The following DNER variants were observed in gnomAD, a reference collection of about 807,000 sequenced individuals.
DNER encodes delta/notch like EGF repeat containing.
In DNER, 33 loss-of-function variants were observed where a neutral mutation model predicts 78.2. That is an observed-to-expected ratio of 0.42 (90% CI 0.32 to 0.56). The LOEUF is 0.56. Ranked by LOEUF, DNER falls within the 20% of genes least tolerant of loss-of-function variation. DNER has a pLI of 0.11. For synonymous variants in DNER, 417 were observed against 384.8 expected (o/e 1.08, Z -0.98); for missense variants, 918 against 975.3 (o/e 0.94, Z 0.78).
At chr2:229,451,285 C>T (rs774942073) in intron 7 of DNER, among the ~76,000 whole-genome samples, 1 of 152,148 alleles carries the variant, frequency 6.6e-6, no homozygotes, top group East Asian at 1.9e-4. Context: ...GGTGAAATCC[C>T]GTCTCTACTA....
At chr2:229,520,976 T>C (rs1245389125) in intron 5 of DNER, among the ~76,000 whole-genome samples, 2 of 152,242 alleles carry the variant, frequency 1.3e-5, no homozygotes, top group African/African-American at 4.8e-5. Flanking sequence ...AGGGAGGGTC[T>C]GGCTGCCTCT....
At chr2:229,410,155 C>T (rs1030304753) in intron 9 of DNER, among the ~76,000 whole-genome samples, 6 of 152,176 alleles carry the variant, frequency 3.9e-5, no homozygotes, top group African/African-American at 1.2e-4. Flanking sequence ...TCTCTCAATT[C>T]CCAATCCAAA....
chr2:229,530,625 C>G (rs1401864509), intron 5 of DNER, among the ~76,000 whole-genome samples: 6 of 152,246 alleles, frequency 3.9e-5, no homozygotes, highest in Non-Finnish European at 7.3e-5. Flanking sequence ...TACTAAGCAG[C>G]TGCCGAATTC....
intron 10 of DNER, among the ~76,000 whole-genome samples, chr2:229,402,758 T>A (rs1263768312): frequency 6.6e-6 from 1 of 152,232 alleles, no homozygotes; most frequent in Non-Finnish European, 1.5e-5. Flanking sequence ...CATCAGGGTA[T>A]CTTTCCTTCC....
intron 1 of DNER, among the ~76,000 whole-genome samples, chr2:229,592,363 C>G (rs1049023670): frequency 6.6e-6 from 1 of 152,174 alleles, no homozygotes; most frequent in Admixed American, 6.5e-5. Context: ...TTACCTGTAT[C>G]TCTCAATTTC....
intron 12 of DNER, among the ~76,000 whole-genome samples, chr2:229,360,097 A>G (rs954874073): frequency 6.6e-6 from 1 of 152,234 alleles, no homozygotes; most frequent in African/African-American, 2.4e-5. Flanking sequence ...AAGGATAGGA[A>G]AAGTGTCAAC....
chr2:229,657,500 G>T (rs1310293476), intron 1 of DNER, among the ~76,000 whole-genome samples: 1 of 152,158 alleles, frequency 6.6e-6, no homozygotes, highest in Non-Finnish European at 1.5e-5. Context: ...TTTTAGGACC[G>T]TGATTTTTCA....
chr2:229,440,305 A>G (rs1694204619), intron 8 of DNER, among the ~76,000 whole-genome samples: 1 of 152,220 alleles, frequency 6.6e-6, no homozygotes, highest in African/African-American at 2.4e-5. Context: ...GTTTGGAAGC[A>G]TGCTTAGGAA....
rs114219417 is a variant in DNER at position 229,695,500 on chromosome 2, A to G, written c.276+18648T>C. On this transcript the variant is annotated intron_variant, in intron 1 of 12. Transcript: ENST00000341772. ...TGGGCATTAATGCTCTGGTGGAGAC[A>G]GCCCTGGGTGGAGAGTCAGCAAAGT... is the stretch of plus-strand genomic sequence containing the variant. 7.8e-3 allele frequency among the ~76,000 whole-genome samples: 1,193 copies of G among 152,296 alleles called. 18 individuals carry two copies. Among genetic ancestry groups the G allele is most frequent in the African/African-American group, 0.027 (1,128 of 41,568 alleles).
In DNER at chr2:229,424,396, C is replaced by T. The variant is rs576904505; in HGVS notation, c.1487-6166G>A. ...CCTTCTTTCCCATGTTGCCTCCAAA[C>T]GCATTGTCTAGTATGTTAGTTTATT... is the stretch of plus-strand genomic sequence containing the variant. On this transcript the variant is annotated intron_variant, in intron 8 of 12. Transcript: ENST00000341772. Among the ~76,000 whole-genome samples the T allele has an allele frequency of 4.7e-4, 72 of 152,302 alleles. No homozygotes were observed. The South Asian group carries it at 6.4e-3, about 14-fold the overall frequency.
chr2:229,486,513 T>C (rs929554654), intron 6 of DNER, among the ~76,000 whole-genome samples: 3 of 152,102 alleles, frequency 2.0e-5, no homozygotes, highest in Non-Finnish European at 4.4e-5. Context: ...AGGTCTGGGA[T>C]GGTGATACAA....
At chr2:229,479,675 T>G (rs1395597228) in intron 6 of DNER, among the ~76,000 whole-genome samples, 1 of 145,980 alleles carries the variant, frequency 6.9e-6, no homozygotes, top group Non-Finnish European at 1.5e-5. Flanking sequence ...ATTGCGCCAC[T>G]GCACTCCAGC....
intron 1 of DNER, among the ~76,000 whole-genome samples, chr2:229,623,683 G>A (rs751046586): frequency 6.6e-6 from 1 of 152,208 alleles, no homozygotes; most frequent in Non-Finnish European, 1.5e-5. Flanking sequence ...GCTGAGGCTG[G>A]GAGGTGGGCA....
intron 1 of DNER, among the ~76,000 whole-genome samples, chr2:229,615,210 G>A (rs942473596): frequency 5.9e-4 from 89 of 151,880 alleles, no homozygotes; most frequent in Non-Finnish European, 7.5e-4. Context: ...TCAGGAGTTT[G>A]AGACCAGCCT....
chr2:229,473,127 G>C (rs1189541968), intron 7 of DNER, among the ~76,000 whole-genome samples: 1 of 152,212 alleles, frequency 6.6e-6, no homozygotes, highest in Non-Finnish European at 1.5e-5. Flanking sequence ...GATGTGTGCT[G>C]TCGAGAACTC....
chr2:229,597,349 A>G (rs1697740593), intron 1 of DNER, among the ~76,000 whole-genome samples: 1 of 152,224 alleles, frequency 6.6e-6, no homozygotes, highest in South Asian at 2.1e-4. Flanking sequence ...GCAATCATTA[A>G]CTTTTAAGCA....
intron 6 of DNER, among the ~76,000 whole-genome samples, chr2:229,494,501 G>A (rs1695463286): frequency 6.6e-6 from 1 of 152,200 alleles, no homozygotes; most frequent in Non-Finnish European, 1.5e-5. Flanking sequence ...GAACGTAACA[G>A]CTCAAGAGCA....
intron 10 of DNER, among the ~76,000 whole-genome samples, chr2:229,397,542 AAGCACCTC>A (rs1399777436): frequency 6.6e-6 from 1 of 151,794 alleles, no homozygotes; most frequent in Non-Finnish European, 1.5e-5. Context: ...CCACCCTCCA[AAGCACCTC>A]AGCCACCAAA....
chr2:229,572,625 T>C (rs1337128612), intron 4 of DNER, among the ~76,000 whole-genome samples: 1 of 152,124 alleles, frequency 6.6e-6, no homozygotes, highest in Non-Finnish European at 1.5e-5. Context: ...AAGGAAAGCC[T>C]CAAAGGCTGA....
Sources: gnomAD v4.1 joint callset for allele counts (sites outside exome capture counted in the v4.1 genomes callset) on GRCh38, gnomAD v4.1.1 for gene constraint, MANE v1.5 for transcripts, NCBI Gene and HGNC (gene_info 2026-07-23, HGNC 2026-07-21) for gene names.